The following ANO4 variants were observed in gnomAD, a reference collection of about 807,000 sequenced individuals.
The protein encoded by ANO4 is anoctamin-4.
In ANO4, 69 loss-of-function variants were observed where a neutral mutation model predicts 141.9. The observed-to-expected ratio is 0.49, with a 90% CI of 0.40 to 0.59. The LOEUF is 0.59. Among genes scored for constraint, ANO4 ranks in the 20% least tolerant of loss-of-function variants. ANO4 has a pLI of 0.00. For missense variants in ANO4, 894 were observed against 1,162.2 expected, an observed-to-expected ratio of 0.77 and a Z score of 3.36; for synonymous variants, 350 against 394.3, an observed-to-expected ratio of 0.89 and a Z score of 1.33.
chr12:100,739,870 G>T (rs1182637755), exon 3 of ANO4: 1 of 702,522 alleles, frequency 1.4e-6, no homozygotes, highest in South Asian at 1.5e-5. Context: ...ACGTTGCGGG[G>T]CCTGTGGCAA....
At chr12:100,954,974 G>T (rs938575746) in intron 5 of ANO4, among the ~76,000 whole-genome samples, 2 of 152,148 alleles carry the variant, frequency 1.3e-5, no homozygotes, top group Non-Finnish European at 2.9e-5. Context: ...AACAAGGAAA[G>T]ACAAGCTAAA....
chr12:101,106,569 G>A (rs1371061555), intron 22 of ANO4, among the ~76,000 whole-genome samples: 1 of 119,654 alleles, frequency 8.4e-6, no homozygotes, highest in Non-Finnish European at 1.6e-5. Context: ...ATGTGTGTGT[G>A]TGTGTATATA....
chr12:101,093,284 AG>A (rs1454989538), intron 17 of ANO4, among the ~76,000 whole-genome samples: 1 of 152,216 alleles, frequency 6.6e-6, no homozygotes, highest in Non-Finnish European at 1.5e-5. Flanking sequence ...TCAAAAATTA[AG>A]CAGGACAGGA....
At chr12:100,818,032 C>CTTA (rs934391978) in intron 1 of ANO4, among the ~76,000 whole-genome samples, 3 of 151,474 alleles carry the variant, frequency 2.0e-5, no homozygotes, top group Admixed American at 6.6e-5. Context: ...CATGATTTCC[C>CTTA]TTATTATTAT....
At chr12:100,791,429 C>CA (rs940898351), upstream of ANO4, among the ~76,000 whole-genome samples, 1 of 151,972 alleles carries the variant, frequency 6.6e-6, no homozygotes, top group Non-Finnish European at 1.5e-5. Context: ...ACAACAACAA[C>CA]AAAAATGGTA....
chr12:100,967,570 G>GACACAC (rs3059289), intron 5 of ANO4, among the ~76,000 whole-genome samples: 2 of 149,162 alleles, frequency 1.3e-5, no homozygotes, highest in African/African-American at 2.5e-5. Context: ...ATGTAAAGAG[G>GACACAC]ACACACACAC....
At position 100,947,838 on chromosome 12, in the gene ANO4, G is replaced by C. The variant is rs117914264; in HGVS notation, c.456+5303G>C. Among the ~76,000 whole-genome samples, 165 of 152,196 alleles carry C rather than the reference G, an allele frequency of 1.1e-3. 3 individuals carry two copies. In the East Asian group the frequency reaches 0.018, roughly 16 times the overall value. On this transcript the variant is annotated intron_variant, in intron 5 of 27. Transcript: ENST00000392977. Reference sequence around the variant, plus strand: ...TAAAACCTAAGCATACTTGCTCTTTGCCCTTATATTGTGTTGATTTCTGGT... The same window carrying C: ...TAAAACCTAAGCATACTTGCTCTTTCCCCTTATATTGTGTTGATTTCTGGT...
chr12:100,726,132 TCTC>T (rs1432813163), intron 1 of ANO4, among the ~76,000 whole-genome samples: 10 of 152,316 alleles, frequency 6.6e-5, no homozygotes, highest in African/African-American at 1.4e-4. Context: ...GAGATGGACT[TCTC>T]CTCATGGTAG....
chr12:100,971,206 A>AT (rs2043919797), intron 5 of ANO4, 100 bp from the exon 6 acceptor site: 2 of 740,784 alleles, frequency 2.7e-6, no homozygotes. Flanking sequence ...GCCCCAAATC[A>AT]TAAACTCTGT....
intron 5 of ANO4, among the ~76,000 whole-genome samples, chr12:100,947,955 G>A (rs1407324986): frequency 1.3e-5 from 2 of 151,966 alleles, no homozygotes; most frequent in Non-Finnish European, 1.5e-5. Context: ...AGGCCAAGGC[G>A]GGCGGATCAC....
At chr12:101,000,991 A>G (rs564111900) in intron 8 of ANO4, among the ~76,000 whole-genome samples, 76 of 152,332 alleles carry the variant, frequency 5.0e-4, no homozygotes, top group African/African-American at 1.8e-3. Context: ...TGTGCCACAT[A>G]TTGTACTATA....
chr12:100,981,067 A>G (rs952511235), intron 7 of ANO4, among the ~76,000 whole-genome samples: 1 of 152,192 alleles, frequency 6.6e-6, no homozygotes, highest in Non-Finnish European at 1.5e-5. Context: ...GACAGTGTGA[A>G]TGCTGGACTG....
intron 9 of ANO4, among the ~76,000 whole-genome samples, chr12:101,022,741 ACT>A (rs945724682): frequency 6.6e-6 from 1 of 151,222 alleles, no homozygotes; most frequent in African/African-American, 2.4e-5. Context: ...ACAACTTATG[ACT>A]CTTTTTTTTT....
At chr12:101,035,434 G>A (rs574063987) in intron 9 of ANO4, among the ~76,000 whole-genome samples, 4 of 152,218 alleles carry the variant, frequency 2.6e-5, no homozygotes, top group Non-Finnish European at 5.9e-5. Context: ...CAATGGATAT[G>A]TTTAGATTCT....
At chr12:100,827,198 A>G (rs951880018) in intron 1 of ANO4, among the ~76,000 whole-genome samples, 3 of 151,910 alleles carry the variant, frequency 2.0e-5, no homozygotes, top group East Asian at 1.9e-4. Flanking sequence ...ACTCTTCCTC[A>G]TGTACCCTAT....
intron 2 of ANO4, among the ~76,000 whole-genome samples, chr12:100,912,120 G>A (rs10860659): frequency 0.54 from 82,527 of 151,760 alleles, 23,249 homozygotes; most frequent in East Asian, 0.78. Context: ...ATGTGGCCGG[G>A]CGCGGTGGCT....
At chr12:101,080,352 T>TTTTGG (rs150912083) in intron 15 of ANO4, among the ~76,000 whole-genome samples, 12 of 152,110 alleles carry the variant, frequency 7.9e-5, no homozygotes, top group African/African-American at 1.4e-4. Flanking sequence ...TTGGGTAGTT[T>TTTTGG]TTTGGTTTGG....
At chr12:101,037,019 C>A in intron 9 of ANO4, 76 bp from the exon 10 acceptor site, 1 of 1,440,448 alleles carries the variant, frequency 6.9e-7, no homozygotes, top group Admixed American at 1.7e-5. Context: ...CAAAAAGCAC[C>A]ACACTTATAT....
At chr12:100,731,713 T>G (rs1343005943) in intron 1 of ANO4, among the ~76,000 whole-genome samples, 1 of 152,202 alleles carries the variant, frequency 6.6e-6, no homozygotes, top group Non-Finnish European at 1.5e-5. Context: ...TAGTTTTGCC[T>G]TTTCCAGAAT....
Sources: gnomAD v4.1 joint callset for allele counts (sites outside exome capture counted in the v4.1 genomes callset) on GRCh38, gnomAD v4.1.1 for gene constraint, MANE v1.5 for transcripts, NCBI Gene and HGNC (gene_info 2026-07-23, HGNC 2026-07-21) for gene names.